BMP5: variants seen among roughly 807,000 people sequenced by gnomAD.
BMP5 encodes bone morphogenetic protein 5.
Under a neutral mutation model 46.6 loss-of-function variants are expected in BMP5, and 23 were observed. The ratio of observed to expected loss-of-function variants is 0.49; its 90% CI spans 0.35 to 0.70. The LOEUF is 0.70. Among genes scored for constraint, BMP5 ranks in the 30% least tolerant of loss-of-function variants. The probability of loss-of-function intolerance (pLI) is 0.00; values close to 1 mark genes in which losing one functional copy is unlikely to be tolerated. For missense variants in BMP5, 545 were observed against 565.6 expected, an observed-to-expected ratio of 0.96 and a Z score of 0.37; for synonymous variants, 204 against 191.9, an observed-to-expected ratio of 1.06 and a Z score of -0.52.
rs372970337 is a variant in BMP5, at chr6:55,819,807, G to C, written c.531C>G (p.Tyr177Ter). 4 of 1,613,796 alleles carry C rather than the reference G, an allele frequency of 2.5e-6. No individual in the cohort carries two copies. Among genetic ancestry groups the C allele is most frequent in the Non-Finnish European group, 3.4e-6 (4 of 1,179,894 alleles). ...GGGTAAGATCAAATCGAAATTCTTT[G>C]TAATGCCTTCGCTGGTGAGAAAAAT... ...DKDFSHQRRH[Y>*]KEFRFDLTQI... Residue 177 changes from tyrosine to a stop codon, truncating the protein, a stop_gained, in exon 2 of 7, where the codon TAC (tyrosine) becomes TAG (stop). Coordinates refer to ENST00000370830, the MANE Select transcript of BMP5 (RefSeq NM_021073.4). LOFTEE classifies it high-confidence loss of function.
chr6:55,817,612 AG>A (rs1776307595), intron 2 of BMP5, among the ~76,000 whole-genome samples: 1 of 146,536 alleles, frequency 6.8e-6, no homozygotes, highest in African/African-American at 2.5e-5. Context: ...GGGTGGGAGG[AG>A]GGGGGAGGGA....
chr6:55,794,515 G>T (rs1189419575), intron 2 of BMP5, 88 bp from the exon 3 acceptor site: 6 of 1,326,388 alleles, frequency 4.5e-6, no homozygotes, highest in Admixed American at 1.7e-5. Context: ...TACAAAAGCA[G>T]TTTGTAAAAT....
intron 2 of BMP5, among the ~76,000 whole-genome samples, chr6:55,804,112 T>C (rs188393342): frequency 3.3e-5 from 5 of 152,360 alleles, no homozygotes; most frequent in Admixed American, 2.6e-4. Flanking sequence ...ATGGGTTAAA[T>C]TGTGTCTTTC....
intron 2 of BMP5, among the ~76,000 whole-genome samples, chr6:55,809,722 A>G (rs566524671): frequency 9.2e-5 from 14 of 152,260 alleles, no homozygotes; most frequent in Admixed American, 6.5e-4. Flanking sequence ...AGAAACCAAT[A>G]GGATAGCCAC....
chr6:55,798,854 GAAGA>G (rs1229612338), intron 2 of BMP5, among the ~76,000 whole-genome samples: 3 of 152,078 alleles, frequency 2.0e-5, no homozygotes, highest in Non-Finnish European at 4.4e-5. Flanking sequence ...TTTAGTGAAA[GAAGA>G]AAGAGTTTTG....
At chr6:55,823,230 T>C (rs1252266907) in intron 1 of BMP5, among the ~76,000 whole-genome samples, 1 of 152,102 alleles carries the variant, frequency 6.6e-6, no homozygotes, top group African/African-American at 2.4e-5. Flanking sequence ...GCTAGTTCAT[T>C]GTTAGTTTAA....
At chr6:55,819,389 G>A (rs1243715739) in intron 2 of BMP5, among the ~76,000 whole-genome samples, 1 of 152,120 alleles carries the variant, frequency 6.6e-6, no homozygotes, top group African/African-American at 2.4e-5. Flanking sequence ...TACAAAATGA[G>A]ACAACAGACC....
intron 2 of BMP5, among the ~76,000 whole-genome samples, chr6:55,802,882 T>C (rs1775883851): frequency 6.6e-6 from 1 of 151,536 alleles, no homozygotes; most frequent in Admixed American, 6.6e-5. Context: ...CATATTTCAG[T>C]ATTGAAATTA....
Position 55,771,815 on chromosome 6 carries a change from T to C in BMP5, c.1027+2234A>G, listed in dbSNP as rs941397159. On this transcript the variant is annotated intron_variant, in intron 4 of 6. Transcript: ENST00000370830. ...TCCATCCCCATCCCACCCCTTCTTA[T>C]CCATAGAGCCTTTGCACAATATCTT... 2.6e-5 allele frequency among the ~76,000 whole-genome samples: 4 copies of C among 151,862 alleles called. No homozygotes were observed. The Admixed American group carries it at 2.6e-4, about 10-fold the overall frequency.
At chr6:55,873,109 T>C (rs895151526) in intron 1 of BMP5, among the ~76,000 whole-genome samples, 3 of 151,854 alleles carry the variant, frequency 2.0e-5, no homozygotes, top group Non-Finnish European at 4.4e-5. Flanking sequence ...ACCTTATCCT[T>C]CATGCTAGGA....
At chr6:55,772,599 T>G (rs1298810467) in intron 4 of BMP5, among the ~76,000 whole-genome samples, 1 of 151,954 alleles carries the variant, frequency 6.6e-6, no homozygotes, top group African/African-American at 2.4e-5. Flanking sequence ...GTTATTTTTC[T>G]CCATCTTTCA....
At chr6:55,755,778 G>A (rs1774577876) in intron 6 of BMP5, 96 bp from the exon 7 acceptor site, 3 of 1,202,924 alleles carry the variant, frequency 2.5e-6, no homozygotes, top group Non-Finnish European at 3.6e-6. Context: ...TCATAATCAG[G>A]CACACCATTA....
At chr6:55,771,962 T>C (rs954096025) in intron 4 of BMP5, among the ~76,000 whole-genome samples, 1 of 151,898 alleles carries the variant, frequency 6.6e-6, no homozygotes, top group Non-Finnish European at 1.5e-5. Flanking sequence ...TCCCTTTCCT[T>C]AAAGCCTTGT....
chr6:55,804,495 A>G (rs1321361841), intron 2 of BMP5, among the ~76,000 whole-genome samples: 1 of 152,204 alleles, frequency 6.6e-6, no homozygotes, highest in Non-Finnish European at 1.5e-5. Flanking sequence ...GTATTAAGCC[A>G]TCATAGTTTT....
intron 1 of BMP5, among the ~76,000 whole-genome samples, chr6:55,826,216 G>A (rs950531892): frequency 6.6e-6 from 1 of 151,780 alleles, no homozygotes; most frequent in Non-Finnish European, 1.5e-5. Flanking sequence ...ACAGTAATAT[G>A]TGACCTGAAT....
chr6:55,797,057 G>A (rs184765166), intron 2 of BMP5, among the ~76,000 whole-genome samples: 2 of 152,086 alleles, frequency 1.3e-5, no homozygotes, highest in Non-Finnish European at 2.9e-5. Flanking sequence ...AAGCTCTTCT[G>A]CATTACCTAT....
intron 2 of BMP5, among the ~76,000 whole-genome samples, chr6:55,805,063 C>A (rs1003611598): frequency 6.6e-5 from 10 of 152,080 alleles, no homozygotes; most frequent in African/African-American, 2.4e-4. Context: ...ATTGGGTAAA[C>A]TAATATGCAC....
chr6:55,863,899 G>A lies in BMP5; in HGVS notation c.490+10477C>T, dbSNP rs1269065744. Among the ~76,000 whole-genome samples, 4 of 152,148 alleles carry A rather than the reference G, an allele frequency of 2.6e-5. No individual in the cohort carries two copies. In the South Asian group the frequency reaches 6.2e-4, roughly 24 times the overall value. The stretch of plus-strand genomic sequence containing the variant: ...ATAGGCTTTACCATCTAGCTGAGGT[G>A]TTTAGTAGGATATGCCATCTAGGTT... On this transcript the variant is annotated intron_variant, in intron 1 of 6. Transcript: ENST00000370830.
intron 1 of BMP5, among the ~76,000 whole-genome samples, chr6:55,824,152 G>T (rs1776475545): frequency 1.3e-5 from 2 of 151,744 alleles, no homozygotes; most frequent in South Asian, 4.1e-4. Context: ...AAAGATCTTT[G>T]TCTTATTCAC....
Sources: allele counts gnomAD v4.1 joint callset (sites outside exome capture counted in the v4.1 genomes callset), GRCh38; gene constraint gnomAD v4.1.1; transcripts MANE v1.5; gene names NCBI Gene and HGNC (gene_info 2026-07-23, HGNC 2026-07-21).